Variants in BPTF observed in about 807,000 individuals in gnomAD.
The protein encoded by BPTF is nucleosome-remodeling factor subunit BPTF.
BPTF carries 18 observed loss-of-function variants against 292.5 expected under a neutral mutation model. That is an observed-to-expected ratio of 0.06 (90% confidence interval 0.04 to 0.09). The LOEUF (loss-of-function observed/expected upper bound fraction) is 0.09, where lower values mean the gene tolerates loss of function less well. Among genes scored for constraint, BPTF ranks in the 10% least tolerant of loss-of-function variants. The pLI is 1.00. For synonymous variants in BPTF, 1,225 were observed against 1,251.9 expected, an observed-to-expected ratio of 0.98 and a Z score of 0.45; for missense variants, 2,726 against 3,498.7, an observed-to-expected ratio of 0.78 and a Z score of 5.57.
intron 1 of BPTF, among the ~76,000 whole-genome samples, chr17:67,826,937 C>T (rs1423131626): frequency 2.0e-5 from 3 of 152,136 alleles, no homozygotes; most frequent in Non-Finnish European, 4.4e-5. Context: ...TTATCTGGTC[C>T]TGTGTGTTTG....
At chr17:67,889,369 A>G (rs75231441) in intron 4 of BPTF, among the ~76,000 whole-genome samples, 31,029 of 152,144 alleles carry the variant, frequency 0.2, 3,984 homozygotes, top group East Asian at 0.66. Context: ...TGAATTAGGA[A>G]GCTTTTTAAA....
At chr17:67,964,042 A>G (rs1460036840) in intron 24 of BPTF, among the ~76,000 whole-genome samples, 170 bp from the exon 25 acceptor site, 1 of 152,210 alleles carries the variant, frequency 6.6e-6, no homozygotes, top group African/African-American at 2.4e-5. Flanking sequence ...TGTTCTTAAC[A>G]TCAAAAATAC....
intron 4 of BPTF, chr17:67,875,595 C>G (rs1418483429): frequency 1.3e-6 from 2 of 1,578,684 alleles, no homozygotes; most frequent in Non-Finnish European, 1.7e-6. Context: ...TCTGTGTCAG[C>G]AAATCTTGGC....
intron 5 of BPTF, among the ~76,000 whole-genome samples, chr17:67,892,679 ACTT>A (rs1359754067): frequency 3.3e-5 from 5 of 152,204 alleles, no homozygotes. Flanking sequence ...TGGCTTTCAT[ACTT>A]CTTTTTGACT....
intron 27 of BPTF, among the ~76,000 whole-genome samples, chr17:67,976,685 CAAAA>C (rs1156404121): frequency 6.4e-4 from 16 of 24,862 alleles, no homozygotes; most frequent in East Asian, 1.7e-3. Flanking sequence ...GACCCTGTCT[CAAAA>C]AAAAAAAAAA....
rs201030912 is a variant in BPTF, at chr17:67,940,653, C to A, written c.6474C>A (p.Gly2158=). The change falls in exon 19 of 28, where the codon GGC becomes GGA. Residue 2158 remains glycine (G), a synonymous_variant. Transcript: ENST00000306378. Reference sequence around the variant, plus strand: ...CTCAACTTACTCAGTTAACACAGGGCCACGTAAGTAACATAAGCTTTATTT... The same window carrying A: ...CTCAACTTACTCAGTTAACACAGGGACACGTAAGTAACATAAGCTTTATTT... The part of the protein sequence containing the change: ...TMAQLTQLTQ[G]HGGNQGLTVV... The A allele has an allele frequency of 6.2e-7, 1 of 1,612,058 alleles. No individual in the cohort carries two copies. The highest frequency in any genetic ancestry group is 1.3e-5 in the African/African-American group (1 of 74,984).
At chr17:67,894,722 A>G (rs1318813231) in intron 7 of BPTF, among the ~76,000 whole-genome samples, 4 of 152,164 alleles carry the variant, frequency 2.6e-5, no homozygotes, top group Admixed American at 6.5e-5. Context: ...AGTAAATAGC[A>G]TTTTTATTGA....
intron 2 of BPTF, among the ~76,000 whole-genome samples, chr17:67,859,186 C>T (rs1258691098): frequency 1.3e-5 from 2 of 152,096 alleles, no homozygotes; most frequent in Non-Finnish European, 1.5e-5. Flanking sequence ...CTCACTGTCG[C>T]CCAGGCTAGA....
intron 3 of BPTF, among the ~76,000 whole-genome samples, chr17:67,874,539 G>A (rs1304897540): frequency 6.6e-6 from 1 of 152,070 alleles, no homozygotes; most frequent in African/African-American, 2.4e-5. Flanking sequence ...CTATATCAAG[G>A]CTATATTTTA....
chr17:67,833,144 T>C (rs1284121436), intron 1 of BPTF, among the ~76,000 whole-genome samples: 2 of 152,126 alleles, frequency 1.3e-5, no homozygotes, highest in African/African-American at 4.8e-5. Context: ...TCATATAATA[T>C]ATGTCTTCCA....
chr17:67,919,525 C>A (rs1250474346), intron 12 of BPTF, among the ~76,000 whole-genome samples: 1 of 152,044 alleles, frequency 6.6e-6, no homozygotes, highest in African/African-American at 2.4e-5. Context: ...GATAACAGAG[C>A]AAAACCCTGT....
intron 11 of BPTF, 140 bp from the exon 12 acceptor site, chr17:67,918,574 C>G (rs1327970632): frequency 7.3e-6 from 5 of 684,464 alleles, no homozygotes; most frequent in Admixed American, 3.5e-5. Context: ...ATACCAAAGT[C>G]TTACAAAACC....
intron 4 of BPTF, among the ~76,000 whole-genome samples, chr17:67,888,005 A>G (rs2060853305): frequency 6.6e-6 from 1 of 152,220 alleles, no homozygotes; most frequent in Admixed American, 6.6e-5. Flanking sequence ...CAGGCAAGGT[A>G]CTACGATTGA....
intron 1 of BPTF, among the ~76,000 whole-genome samples, chr17:67,829,305 T>C (rs2056426216): frequency 6.6e-6 from 1 of 152,158 alleles, no homozygotes; most frequent in Non-Finnish European, 1.5e-5. Flanking sequence ...CAACACATTA[T>C]TTTTAAAGAT....
chr17:67,945,306 C>A, intron 20 of BPTF, 103 bp from the exon 21 acceptor site: 1 of 1,518,058 alleles, frequency 6.6e-7, no homozygotes, highest in Non-Finnish European at 8.8e-7. Context: ...AGCCACCACG[C>A]CTGGCCAGAA....
At chr17:67,871,550 C>T (rs1182754681) in intron 3 of BPTF, among the ~76,000 whole-genome samples, 1 of 151,408 alleles carries the variant, frequency 6.6e-6, no homozygotes, top group Non-Finnish European at 1.5e-5. Flanking sequence ...TTGCTTTATC[C>T]TATGCCTGTA....
intron 27 of BPTF, among the ~76,000 whole-genome samples, chr17:67,979,476 G>A (rs1204628066): frequency 2.6e-5 from 4 of 151,014 alleles, no homozygotes; most frequent in Admixed American, 6.6e-5. Context: ...CCTGGGAGAC[G>A]GAGGTTGCAG....
intron 7 of BPTF, among the ~76,000 whole-genome samples, chr17:67,897,888 C>T (rs1790868019): frequency 6.6e-6 from 1 of 151,820 alleles, no homozygotes. Flanking sequence ...AAATTATGGC[C>T]CTGTCTTCTT....
intron 23 of BPTF, among the ~76,000 whole-genome samples, chr17:67,950,692 TAGTC>T (rs1341794593): frequency 6.6e-6 from 1 of 151,494 alleles, no homozygotes; most frequent in Non-Finnish European, 1.5e-5. Flanking sequence ...ACAAAAAAAT[TAGTC>T]AGGCATGGTG....
Sources: gnomAD v4.1 joint callset for allele counts (sites outside exome capture counted in the v4.1 genomes callset) on GRCh38, gnomAD v4.1.1 for gene constraint, MANE v1.5 for transcripts, NCBI Gene and HGNC (gene_info 2026-07-23, HGNC 2026-07-21) for gene names.